The following CNTN6 variants were observed in gnomAD, a reference collection of about 807,000 sequenced individuals.
The protein encoded by CNTN6 is contactin-6.
Under a neutral mutation model 122.8 loss-of-function variants are expected in CNTN6, and 137 were observed. The ratio of observed to expected loss-of-function variants is 1.12; its 90% CI spans 0.97 to 1.29. CNTN6 has a LOEUF of 1.29. Among genes scored for constraint, CNTN6 ranks in the 50% most tolerant of loss-of-function variants. The pLI, the probability that CNTN6 is intolerant of heterozygous loss-of-function variation, is 0.00. For synonymous variants in CNTN6, 570 were observed against 426.0 expected (o/e 1.34, Z -4.16); for missense variants, 1,634 against 1,223.4 (o/e 1.34, Z -5.01).
intron 4 of CNTN6, among the ~76,000 whole-genome samples, chr3:1,237,276 G>A (rs1333399694): frequency 1.3e-5 from 2 of 151,844 alleles, no homozygotes; most frequent in Non-Finnish European, 1.5e-5. Flanking sequence ...AATCAAACAA[G>A]CAGAAGAAAG....
At chr3:1,271,557 G>C (rs2095027730) in intron 4 of CNTN6, among the ~76,000 whole-genome samples, 1 of 152,134 alleles carries the variant, frequency 6.6e-6, no homozygotes, top group Admixed American at 6.6e-5. Context: ...CTCTATGTTG[G>C]TCAAAATAAG....
At chr3:1,384,881 C>G (rs1476558384) in intron 19 of CNTN6, among the ~76,000 whole-genome samples, 1 of 150,242 alleles carries the variant, frequency 6.7e-6, no homozygotes, top group African/African-American at 2.4e-5. Flanking sequence ...GGACAGGTGT[C>G]TTTTCCACTC....
intron 1 of CNTN6, among the ~76,000 whole-genome samples, chr3:1,121,037 G>C (rs1364240470): frequency 6.6e-6 from 1 of 151,954 alleles, no homozygotes; most frequent in Non-Finnish European, 1.5e-5. Context: ...ATAGTAGATA[G>C]GACACATACT....
intron 10 of CNTN6, among the ~76,000 whole-genome samples, chr3:1,328,266 A>T (rs1701813437): frequency 6.6e-6 from 1 of 151,866 alleles, no homozygotes; most frequent in Non-Finnish European, 1.5e-5. Context: ...AAAAGTGCTG[A>T]GATTAAAGCA....
intron 2 of CNTN6, among the ~76,000 whole-genome samples, chr3:1,173,021 A>G (rs1281495851): frequency 6.6e-6 from 1 of 152,100 alleles, no homozygotes; most frequent in African/African-American, 2.4e-5. Context: ...CAAAATAAAG[A>G]CAGAACTCAG....
chr3:1,348,886 T>C (rs17038041), intron 11 of CNTN6, among the ~76,000 whole-genome samples: 4,940 of 152,080 alleles, frequency 0.032, 109 homozygotes, highest in South Asian at 0.056. Context: ...ACACACTTAC[T>C]AGAGGGCCTG....
intron 2 of CNTN6, among the ~76,000 whole-genome samples, chr3:1,208,145 C>T (rs565390474): frequency 1.3e-5 from 2 of 152,210 alleles, no homozygotes; most frequent in East Asian, 1.9e-4. Flanking sequence ...TATCCTTCCT[C>T]CCGTGAGTCA....
intron 7 of CNTN6, among the ~76,000 whole-genome samples, chr3:1,308,671 G>T (rs1181592720): frequency 2.0e-5 from 3 of 151,896 alleles, no homozygotes; most frequent in South Asian, 2.1e-4. Flanking sequence ...GGATCACTCT[G>T]CTCTCCTCCA....
At chr3:1,163,113 A>T (rs2093171928) in intron 2 of CNTN6, among the ~76,000 whole-genome samples, 1 of 152,188 alleles carries the variant, frequency 6.6e-6, no homozygotes, top group Admixed American at 6.5e-5. Flanking sequence ...ACACAGTTTT[A>T]CAATTTCTTA....
At position 1,376,389 on chromosome 3, in the gene CNTN6, G is replaced by A. The variant is rs1270927327; in HGVS notation, c.2096-616G>A. 3.9e-5 allele frequency among the ~76,000 whole-genome samples: 6 copies of A among 152,086 alleles called. 1 individual carries two copies. In the South Asian group the frequency reaches 1.0e-3, roughly 26 times the overall value. On this transcript the variant is annotated intron_variant, in intron 16 of 22. Coordinates refer to ENST00000446702, the MANE Select transcript of CNTN6 (RefSeq NM_001289080.2). ...TCTACCACAGAGCCTTAGATCCCAAGAAATAAATAGAAAGAACCTCTCCCA... is the reference window on the plus strand; with the variant it reads ...TCTACCACAGAGCCTTAGATCCCAAAAAATAAATAGAAAGAACCTCTCCCA...
At chr3:1,298,972 G>A (rs895462629) in intron 7 of CNTN6, among the ~76,000 whole-genome samples, 1 of 152,060 alleles carries the variant, frequency 6.6e-6, no homozygotes, top group Non-Finnish European at 1.5e-5. Flanking sequence ...ATCCTTAAAT[G>A]TCTCAGTCAT....
intron 20 of CNTN6, among the ~76,000 whole-genome samples, chr3:1,393,637 A>G (rs1301788355): frequency 6.6e-6 from 1 of 151,848 alleles, no homozygotes; most frequent in Non-Finnish European, 1.5e-5. Flanking sequence ...AGAAATGTGT[A>G]AGAAACAAAC....
At chr3:1,329,269 G>T (rs548473763) in intron 10 of CNTN6, among the ~76,000 whole-genome samples, 1 of 151,222 alleles carries the variant, frequency 6.6e-6, no homozygotes, top group East Asian at 2.0e-4. Flanking sequence ...GTGTGTTTCT[G>T]ATTTATCATA....
intron 4 of CNTN6, among the ~76,000 whole-genome samples, chr3:1,261,099 G>A (rs1042871647): frequency 3.3e-5 from 5 of 152,114 alleles, no homozygotes; most frequent in African/African-American, 7.2e-5. Flanking sequence ...AACCAGTCTT[G>A]TCTGTTTAGT....
chr3:1,096,758 G>A (rs750999423), intron 1 of CNTN6, among the ~76,000 whole-genome samples: 5 of 152,044 alleles, frequency 3.3e-5, no homozygotes, highest in South Asian at 2.1e-4. Context: ...AGTACTGATC[G>A]GTTTTCTCTG....
chr3:1,307,440 T>C (rs771455230), intron 7 of CNTN6, among the ~76,000 whole-genome samples: 1 of 150,880 alleles, frequency 6.6e-6, no homozygotes, highest in African/African-American at 2.5e-5. Context: ...AACAGAAATA[T>C]TGAACGGATA....
intron 5 of CNTN6, among the ~76,000 whole-genome samples, chr3:1,293,223 C>T (rs1255474366): frequency 1.3e-5 from 2 of 152,046 alleles, no homozygotes; most frequent in African/African-American, 4.8e-5. Flanking sequence ...CTTTTTCCTT[C>T]TTTCTCTTTC....
At chr3:1,292,069 C>G (rs1387898214) in intron 5 of CNTN6, among the ~76,000 whole-genome samples, 1 of 152,020 alleles carries the variant, frequency 6.6e-6, no homozygotes, top group Non-Finnish European at 1.5e-5. Flanking sequence ...TTCATCCATA[C>G]TCTGCTTGAT....
chr3:1,104,011 TA>T (rs2091090762), intron 1 of CNTN6, among the ~76,000 whole-genome samples: 1 of 152,108 alleles, frequency 6.6e-6, no homozygotes, highest in South Asian at 2.1e-4. Flanking sequence ...ATATTAGTAA[TA>T]ATTCCACAAA....
Sources: gnomAD v4.1 joint callset for allele counts (sites outside exome capture counted in the v4.1 genomes callset) on GRCh38, gnomAD v4.1.1 for gene constraint, MANE v1.5 for transcripts, NCBI Gene and HGNC (gene_info 2026-07-23, HGNC 2026-07-21) for gene names.